Variants in FANCD2 observed in about 807,000 individuals in gnomAD.
FANCD2 encodes Fanconi anemia group D2 protein.
A neutral mutation model predicts 192.3 loss-of-function variants in FANCD2; 131 were observed. That is an observed-to-expected ratio of 0.68 (90% CI 0.59 to 0.79). The LOEUF is 0.79. FANCD2 is among the 30% of genes least tolerant of loss of function. The probability of loss-of-function intolerance (pLI) is 0.00; values close to 1 mark genes in which losing one functional copy is unlikely to be tolerated. For missense variants in FANCD2, 1,508 were observed against 1,701.6 expected, an observed-to-expected ratio of 0.89 and a Z score of 2.00; for synonymous variants, 524 against 612.5, an observed-to-expected ratio of 0.86 and a Z score of 2.13.
rs3172417 is a variant in FANCD2 at position 10,101,265 on chromosome 3, C to A, written c.*3C>A. 1 of 1,598,424 alleles carries A rather than the reference C, an allele frequency of 6.3e-7. No individual in the cohort carries two copies. Among genetic ancestry groups the A allele is most frequent in the East Asian group, 2.2e-5 (1 of 44,818 alleles). ...AGAGTTATGATGACTCTGATTAGAC[C>A]CCAGATAAATTGTTGCCTGCTTCTG... On this transcript the variant is annotated 3_prime_UTR_variant, in exon 44 of 44. Coordinates refer to ENST00000675286, the MANE Select transcript of FANCD2 (RefSeq NM_001018115.3).
At chr3:10,073,203 A>T (rs576537705) in intron 27 of FANCD2, 50 bp from the exon 28 acceptor site, 1 of 1,476,172 alleles carries the variant, frequency 6.8e-7, no homozygotes, top group African/African-American at 1.4e-5. Flanking sequence ...GATATTTGGC[A>T]AACATGATTA....
chr3:10,074,503 C>A (rs200677332), intron 28 of FANCD2, 27 bp from the exon 29 acceptor site: 38 of 1,600,526 alleles, frequency 2.4e-5, no homozygotes, highest in Non-Finnish European at 3.2e-5. Context: ...TTTATATATT[C>A]TCTTTGTTGC....
chr3:10,060,210 A>C (rs2087525952), intron 18 of FANCD2, 84 bp from the exon 19 acceptor site: 1 of 897,774 alleles, frequency 1.1e-6, no homozygotes, highest in East Asian at 2.5e-5. Flanking sequence ...ACGCCTTTAT[A>C]GTCTAGCTAT....
chr3:10,060,304 A>G lies in FANCD2; in HGVS notation c.1667A>G (p.His556Arg), dbSNP rs1232065920. The G allele has an allele frequency of 5.6e-6, 9 of 1,610,792 alleles. No individual in the cohort carries two copies. The highest frequency in any genetic ancestry group is 1.3e-5 in the African/African-American group (1 of 74,908). ...ATCATCTCATTGCAGGATGACATGC[A>G]CTTGGTGATAAGAAAGCAGCTCTCT... is the stretch of plus-strand genomic sequence containing the variant. ...EASSHIQDDM[H>R]LVIRKQLSST... Residue 556 changes from histidine (H) to arginine (R), a missense_variant, in exon 19 of 44, where the codon CAC (histidine) becomes CGC (arginine). Physicochemically the swap from His to Arg is conservative, Grantham distance 29. Around this residue, in one of 5 missense-constraint regions of FANCD2, gnomAD observed 110 missense variants for 114.4 expected, o/e 0.96. Coordinates refer to ENST00000675286, the MANE Select transcript of FANCD2 (RefSeq NM_001018115.3).
At chr3:10,056,499 A>C (rs2087416835) in intron 18 of FANCD2, among the ~76,000 whole-genome samples, 1 of 151,952 alleles carries the variant, frequency 6.6e-6, no homozygotes, top group African/African-American at 2.4e-5. Flanking sequence ...CTTTCTTAAA[A>C]ATTTCTTTTG....
rs1411877055 is a variant in FANCD2 at position 10,085,825 on chromosome 3, C to G, written c.3238C>G (p.Gln1080Glu). The G allele has an allele frequency of 5.6e-6, 9 of 1,611,816 alleles. No homozygotes were observed. Among genetic ancestry groups the G allele is most frequent in the Non-Finnish European group, 7.6e-6 (9 of 1,178,124 alleles). Residue 1080 changes from glutamine (Q) to glutamate (E), a missense_variant, in exon 33 of 44, where the codon CAA (glutamine) becomes GAA (glutamate). Gln to Glu is a conservative substitution (Grantham distance 29). Around this residue, in one of 5 missense-constraint regions of FANCD2, gnomAD observed 796 missense variants for 879.4 expected, o/e 0.91. Transcript: ENST00000675286. ...HGLFAWSGFS[Q>E]PENQNLLYSA... ...TGACTTCCTTAGGAGTGGATTTTCT[C>G]AACCTGAAAATCAGAATTTACTGTA...
intron 29 of FANCD2, 80 bp downstream of exon 29, chr3:10,074,753 CTG>C: frequency 7.5e-7 from 1 of 1,336,672 alleles, no homozygotes; most frequent in Non-Finnish European, 1.1e-6. Context: ...ACAAAGAACA[CTG>C]TGACACTGAG....
chr3:10,038,547 A>T (rs1575740370), intron 7 of FANCD2, among the ~76,000 whole-genome samples: 1 of 147,904 alleles, frequency 6.8e-6, no homozygotes, highest in African/African-American at 2.5e-5. Flanking sequence ...ATCTAATTTG[A>T]CTTTCTATGT....
intron 27 of FANCD2, 107 bp from the exon 28 acceptor site, chr3:10,073,146 T>G: frequency 1.1e-6 from 1 of 950,104 alleles, no homozygotes; most frequent in Non-Finnish European, 1.7e-6. Flanking sequence ...TAAAATTACC[T>G]CTTCTACCTC....
intron 29 of FANCD2, 98 bp from the exon 30 acceptor site, chr3:10,077,983 T>G: frequency 4.7e-6 from 4 of 853,932 alleles, no homozygotes; most frequent in Non-Finnish European, 8.1e-6. Context: ...GGAATAGCTA[T>G]GATCTTGCCA....
At chr3:10,090,682 A>G (rs940930676) in intron 37 of FANCD2, among the ~76,000 whole-genome samples, 1 of 151,572 alleles carries the variant, frequency 6.6e-6, no homozygotes, top group African/African-American at 2.4e-5. Context: ...CTAGTCTCGA[A>G]CTCCTGACTT....
At position 10,097,949 on chromosome 3, in the gene FANCD2, C is replaced by T. The variant is rs1447726210; in HGVS notation, c.4186-771C>T. The stretch of plus-strand genomic sequence containing the variant: ...CCTCCGTTTGGGGTCCCTGACTTCC[C>T]GCAACAATCTCTAATTTTAACTAAT... On this transcript the variant is annotated intron_variant, in intron 42 of 43. Transcript: ENST00000675286. 2.0e-5 allele frequency among the ~76,000 whole-genome samples: 3 copies of T among 151,972 alleles called. 1 individual carries two copies. Among genetic ancestry groups the T allele is most frequent in the Non-Finnish European group, 4.4e-5 (3 of 68,026 alleles).
At chr3:10,063,182 C>T (rs1009261407) in intron 20 of FANCD2, among the ~76,000 whole-genome samples, 1 of 152,092 alleles carries the variant, frequency 6.6e-6, no homozygotes, top group African/African-American at 2.4e-5. Context: ...CGATTGTAAT[C>T]CTAGCACTTT....
intron 37 of FANCD2, among the ~76,000 whole-genome samples, chr3:10,091,693 A>T (rs1479283195): frequency 1.3e-5 from 2 of 152,006 alleles, no homozygotes; most frequent in East Asian, 3.9e-4. Context: ...GAGGGAAAGG[A>T]AATTAAACTA....
In FANCD2 at chr3:10,054,446, C is replaced by T. The variant is rs866752608; in HGVS notation, c.1656+1949C>T. Among the ~76,000 whole-genome samples the T allele has an allele frequency of 8.1e-3, 295 of 36,342 alleles. 4 individuals carry two copies. The highest frequency in any genetic ancestry group is 0.024 in the African/African-American group (180 of 7,520). 23.8% of individuals were successfully genotyped at this position (36,342 alleles called of 152,430 possible). A position where few individuals can be genotyped will look rare whatever the true frequency, so the allele number is the denominator to read the frequency against. On this transcript the variant is annotated intron_variant, in intron 18 of 43. Coordinates refer to ENST00000675286, the MANE Select transcript of FANCD2 (RefSeq NM_001018115.3). Reference sequence around the variant, plus strand: ...ATATACATGTATATACATGTATATACATATATATATATATATATATATATA... The same window carrying T: ...ATATACATGTATATACATGTATATATATATATATATATATATATATATATA...
chr3:10,040,827 G>A (rs927214078), intron 9 of FANCD2: 17 of 276,980 alleles, frequency 6.1e-5, no homozygotes, highest in Non-Finnish European at 1.2e-4. Flanking sequence ...TCTGGGCAAA[G>A]TACTACGCCA....
chr3:10,096,562 C>T (rs1327162057), intron 42 of FANCD2, 90 bp downstream of exon 42: 7 of 1,217,486 alleles, frequency 5.7e-6, no homozygotes, highest in African/African-American at 3.0e-5. Flanking sequence ...CCTAAGCCCT[C>T]GTCTCTCAGT....
At chr3:10,084,184 G>A (rs1451338670) in intron 32 of FANCD2, among the ~76,000 whole-genome samples, 1 of 151,938 alleles carries the variant, frequency 6.6e-6, no homozygotes, top group African/African-American at 2.4e-5. Context: ...AGTAGAGACG[G>A]GGTTTCACCA....
Position 10,043,049 on chromosome 3 carries a change from G to C in FANCD2, c.889-1G>C. 6.2e-7 allele frequency: 1 copy of C among 1,613,756 alleles called. No homozygotes were observed. The highest frequency in any genetic ancestry group is 8.5e-7 in the Non-Finnish European group (1 of 1,179,710). Reference sequence around the variant, plus strand: ...CCATAGCTAATATTTACTTTCTGCAGGTAATTTCTGAGCTTCGGGAGAAGT... The same window carrying C: ...CCATAGCTAATATTTACTTTCTGCACGTAATTTCTGAGCTTCGGGAGAAGT... On this transcript the variant is annotated splice_acceptor_variant, in intron 11 of 43. Coordinates refer to ENST00000675286, the MANE Select transcript of FANCD2 (RefSeq NM_001018115.3). LOFTEE classifies it high-confidence loss of function.
Sources: allele counts gnomAD v4.1 joint callset (sites outside exome capture counted in the v4.1 genomes callset), GRCh38; gene constraint gnomAD v4.1.1; regional missense constraint gnomAD v4.1.1; transcripts MANE v1.5; gene names NCBI Gene and HGNC (gene_info 2026-07-23, HGNC 2026-07-21).